CACNA2D2: variants seen among roughly 807,000 people sequenced by gnomAD.
CACNA2D2 encodes voltage-dependent calcium channel subunit alpha-2/delta-2.
CACNA2D2 carries 48 observed loss-of-function variants against 166.4 expected under a neutral mutation model. The observed-to-expected ratio is 0.29, with a 90% CI of 0.23 to 0.37. The LOEUF is 0.37. CACNA2D2 is among the 10% of genes least tolerant of loss of function. The pLI, the probability that CACNA2D2 is intolerant of heterozygous loss-of-function variation, is 1.00. For synonymous variants in CACNA2D2, 561 were observed against 573.7 expected, an observed-to-expected ratio of 0.98 and a Z score of 0.32; for missense variants, 1,122 against 1,433.0, an observed-to-expected ratio of 0.78 and a Z score of 3.50.
intron 1 of CACNA2D2, among the ~76,000 whole-genome samples, chr3:50,478,586 C>T (rs1296698745): frequency 3.3e-5 from 5 of 152,218 alleles, no homozygotes; most frequent in Admixed American, 6.5e-5. Flanking sequence ...CCTACTTTCT[C>T]GCTTCAGTCC....
intron 1 of CACNA2D2, among the ~76,000 whole-genome samples, chr3:50,479,079 G>A (rs1243208127): frequency 6.6e-6 from 1 of 152,144 alleles, no homozygotes; most frequent in East Asian, 1.9e-4. Context: ...CATCTAAAAA[G>A]GCTATTTCAA....
At chr3:50,369,225 C>T (rs1704518945) in intron 23 of CACNA2D2, among the ~76,000 whole-genome samples, 1 of 152,260 alleles carries the variant, frequency 6.6e-6, no homozygotes, top group African/African-American at 2.4e-5. Context: ...TGCAGTCTCT[C>T]CTGTATACAC....
At chr3:50,417,974 AG>A (rs946978124) in intron 3 of CACNA2D2, among the ~76,000 whole-genome samples, 25 of 152,264 alleles carry the variant, frequency 1.6e-4, no homozygotes, top group African/African-American at 5.8e-4. Flanking sequence ...CATGTGCTAC[AG>A]TGGGAGGAAG....
intron 3 of CACNA2D2, among the ~76,000 whole-genome samples, chr3:50,426,204 C>T (rs1471780563): frequency 6.6e-6 from 1 of 152,230 alleles, no homozygotes. Flanking sequence ...ATCTAGTCTC[C>T]GACTCTGTTT....
At chr3:50,492,446 C>T (rs1326794275) in intron 1 of CACNA2D2, among the ~76,000 whole-genome samples, 2 of 152,228 alleles carry the variant, frequency 1.3e-5, no homozygotes, top group African/African-American at 4.8e-5. Context: ...AGTGGCTGCT[C>T]CCCCAAACCC....
At chr3:50,419,671 T>C (rs1707453885) in intron 3 of CACNA2D2, 1 of 152,110 alleles carries the variant, frequency 6.6e-6, no homozygotes, top group South Asian at 2.1e-4. Flanking sequence ...TAGCCTTAAG[T>C]GAGTATGCAG....
In CACNA2D2 at chr3:50,370,356, C is replaced by T; in HGVS notation, c.2009G>A (p.Ser670Asn). The change falls in exon 23 of 38, where the codon AGC becomes AAC. Residue 670 changes from serine (S) to asparagine (N), a missense_variant. Transcript: ENST00000424201. ...GAAAACGTGTCCTTCAGACTCAAAG[C>T]TGCTGGGGAGCAGGAACTCAAAATC... ...VKYFEFLLPS[S>N]FESEGHVFIA... The T allele has an allele frequency of 6.3e-7, 1 of 1,587,632 alleles. No homozygotes were observed. Among genetic ancestry groups the T allele is most frequent in the Non-Finnish European group, 8.6e-7 (1 of 1,168,228 alleles).
At chr3:50,458,942 C>T (rs1178099414) in intron 2 of CACNA2D2, among the ~76,000 whole-genome samples, 1 of 152,246 alleles carries the variant, frequency 6.6e-6, no homozygotes, top group Non-Finnish European at 1.5e-5. Flanking sequence ...CACCGACCTC[C>T]ATCAACTCTC....
intron 2 of CACNA2D2, among the ~76,000 whole-genome samples, chr3:50,440,714 C>T (rs1484873414): frequency 6.6e-6 from 1 of 152,154 alleles, no homozygotes; most frequent in African/African-American, 2.4e-5. Context: ...CCCCCACCCC[C>T]ACCTCCTTAC....
At chr3:50,498,099 C>T (rs1177626599) in intron 1 of CACNA2D2, among the ~76,000 whole-genome samples, 4 of 152,118 alleles carry the variant, frequency 2.6e-5, no homozygotes, top group Admixed American at 6.5e-5. Context: ...AATCTCCGCA[C>T]GGGAGTGGGG....
At chr3:50,455,797 C>T (rs893102447) in intron 2 of CACNA2D2, among the ~76,000 whole-genome samples, 1 of 152,194 alleles carries the variant, frequency 6.6e-6, no homozygotes, top group Non-Finnish European at 1.5e-5. Context: ...AAGGCTTCCT[C>T]CGGCGTCTCA....
intron 1 of CACNA2D2, among the ~76,000 whole-genome samples, chr3:50,496,771 A>G (rs1210502837): frequency 6.6e-6 from 1 of 152,172 alleles, no homozygotes; most frequent in Non-Finnish European, 1.5e-5. Flanking sequence ...GAAGTTCCCA[A>G]GGTCACACAG....
intron 3 of CACNA2D2, among the ~76,000 whole-genome samples, chr3:50,408,604 G>A (rs1041982704): frequency 7.9e-5 from 12 of 152,380 alleles, no homozygotes; most frequent in East Asian, 5.8e-4. Context: ...GAGTAAAGGC[G>A]GCCAGTGGGA....
chr3:50,415,932 T>C (rs1453585877), intron 3 of CACNA2D2: 1 of 152,280 alleles, frequency 6.6e-6, no homozygotes, highest in Non-Finnish European at 1.5e-5. Flanking sequence ...CCGCCTCCTC[T>C]GGACGGACAA....
intron 23 of CACNA2D2, among the ~76,000 whole-genome samples, chr3:50,368,487 G>T (rs775932519): frequency 6.6e-6 from 1 of 152,156 alleles, no homozygotes; most frequent in African/African-American, 2.4e-5. Flanking sequence ...GCATGGCTCC[G>T]CAGAGCCTCC....
intron 2 of CACNA2D2, among the ~76,000 whole-genome samples, chr3:50,471,472 CCT>C (rs1345318257): frequency 1.3e-5 from 2 of 152,182 alleles, no homozygotes; most frequent in East Asian, 1.9e-4. Flanking sequence ...TGCTCCAGCC[CCT>C]CTTAGGTTCT....
intron 1 of CACNA2D2, among the ~76,000 whole-genome samples, chr3:50,491,866 G>A (rs1278073911): frequency 6.6e-6 from 1 of 152,172 alleles, no homozygotes; most frequent in Non-Finnish European, 1.5e-5. Flanking sequence ...CAAAGCCCAG[G>A]GCTTACCCCA....
At chr3:50,472,095 G>A (rs1710122906) in intron 2 of CACNA2D2, among the ~76,000 whole-genome samples, 1 of 152,164 alleles carries the variant, frequency 6.6e-6, no homozygotes, top group Non-Finnish European at 1.5e-5. Flanking sequence ...GGGGAGGGGC[G>A]GCCCCGGGTA....
intron 1 of CACNA2D2, among the ~76,000 whole-genome samples, chr3:50,498,676 C>T (rs1698827370): frequency 6.6e-6 from 1 of 152,232 alleles, no homozygotes; most frequent in Admixed American, 6.5e-5. Flanking sequence ...AAGGAAGGCC[C>T]CTCAGGGTTG....
Sources: gnomAD v4.1 joint callset for allele counts (sites outside exome capture counted in the v4.1 genomes callset) on GRCh38, gnomAD v4.1.1 for gene constraint, MANE v1.5 for transcripts, NCBI Gene and HGNC (gene_info 2026-07-23, HGNC 2026-07-21) for gene names.